GRIN2A: variants seen among roughly 807,000 people sequenced by gnomAD.
The protein encoded by GRIN2A is glutamate ionotropic receptor NMDA type subunit 2A.
In GRIN2A, 22 loss-of-function variants were observed where a neutral mutation model predicts 113.4. That is an observed-to-expected ratio of 0.19 (90% confidence interval 0.14 to 0.28). The LOEUF (loss-of-function observed/expected upper bound fraction) is 0.28. GRIN2A is among the 10% of genes least tolerant of loss of function. GRIN2A has a pLI of 1.00. For synonymous variants in GRIN2A, 827 were observed against 738.4 expected, an observed-to-expected ratio of 1.12 and a Z score of -1.94; for missense variants, 1,502 against 1,887.0, an observed-to-expected ratio of 0.80 and a Z score of 3.78.
intron 11 of GRIN2A, among the ~76,000 whole-genome samples, chr16:9,789,060 T>A (rs1048092757): frequency 6.6e-6 from 1 of 152,210 alleles, no homozygotes; most frequent in Non-Finnish European, 1.5e-5. Flanking sequence ...CCTTCTTATC[T>A]GTCTCCAGAC....
chr16:10,118,146 G>A (rs1386819868), intron 2 of GRIN2A, among the ~76,000 whole-genome samples: 2 of 152,194 alleles, frequency 1.3e-5, no homozygotes, highest in Non-Finnish European at 2.9e-5. Flanking sequence ...GCCAAAGACT[G>A]AGTCTGACAG....
chr16:9,855,391 T>A (rs969693580), intron 4 of GRIN2A, among the ~76,000 whole-genome samples: 2 of 152,236 alleles, frequency 1.3e-5, no homozygotes, highest in Admixed American at 6.5e-5. Context: ...GGAACTATTA[T>A]CATTAATTCA....
chr16:10,029,424 G>A (rs1243289670), intron 2 of GRIN2A, among the ~76,000 whole-genome samples: 1 of 152,074 alleles, frequency 6.6e-6, no homozygotes, highest in African/African-American at 2.4e-5. Context: ...AAACCCCTTA[G>A]GTCAGGTGAT....
chr16:9,778,911 G>A (rs991299904), intron 11 of GRIN2A, among the ~76,000 whole-genome samples: 6 of 152,180 alleles, frequency 3.9e-5, no homozygotes, highest in Admixed American at 1.3e-4. Flanking sequence ...TCAGATGAAA[G>A]GTGCAAATTC....
chr16:10,100,678 A>C (rs768605920), intron 2 of GRIN2A, among the ~76,000 whole-genome samples: 29 of 152,190 alleles, frequency 1.9e-4, no homozygotes, highest in Non-Finnish European at 2.8e-4. Context: ...TGTTCACTCC[A>C]TCTGTGCAGC....
At chr16:9,943,248 C>T (rs1043491745) in intron 2 of GRIN2A, 2 of 152,208 alleles carry the variant, frequency 1.3e-5, no homozygotes, top group South Asian at 2.1e-4. Context: ...ATTTCATACA[C>T]CCACTTTGGT....
chr16:10,106,846 G>A (rs1302291709), intron 2 of GRIN2A, among the ~76,000 whole-genome samples: 2 of 152,170 alleles, frequency 1.3e-5, no homozygotes, highest in African/African-American at 4.8e-5. Context: ...AAGGAAGGCA[G>A]GGAAGCTGGG....
chr16:10,060,579 C>G (rs918837343), intron 2 of GRIN2A, among the ~76,000 whole-genome samples: 5 of 152,206 alleles, frequency 3.3e-5, no homozygotes, highest in Admixed American at 3.3e-4. Flanking sequence ...ATGCTAAAAA[C>G]TGTTCCTAGT....
At chr16:10,113,545 G>C (rs1186174720) in intron 2 of GRIN2A, among the ~76,000 whole-genome samples, 15 of 152,088 alleles carry the variant, frequency 9.9e-5, no homozygotes, top group South Asian at 2.1e-4. Flanking sequence ...GCACATTTTG[G>C]GATCACAGTT....
chr16:9,801,926 G>A (rs916363074), intron 10 of GRIN2A, among the ~76,000 whole-genome samples: 2 of 152,196 alleles, frequency 1.3e-5, no homozygotes, highest in Non-Finnish European at 2.9e-5. Context: ...GAGAGCTGGG[G>A]CCTACACACA....
chr16:10,173,658 G>C (rs2050087769), intron 2 of GRIN2A, among the ~76,000 whole-genome samples: 1 of 152,182 alleles, frequency 6.6e-6, no homozygotes, highest in Non-Finnish European at 1.5e-5. Context: ...GGACAAGTGT[G>C]AGGTACTGAA....
chr16:10,001,585 T>C (rs1368911722), intron 2 of GRIN2A, among the ~76,000 whole-genome samples: 2 of 152,330 alleles, frequency 1.3e-5, no homozygotes, highest in African/African-American at 2.4e-5. Flanking sequence ...AGTGCTTCCA[T>C]GCATGCTCTT....
intron 2 of GRIN2A, among the ~76,000 whole-genome samples, chr16:10,029,765 G>A (rs2046894142): frequency 3.3e-5 from 5 of 152,046 alleles, no homozygotes; most frequent in Admixed American, 3.3e-4. Context: ...GAGGCCGAAG[G>A]GGGTGTAGAT....
chr16:9,960,999 ATTG>A (rs1356427527), intron 2 of GRIN2A, among the ~76,000 whole-genome samples: 1 of 152,146 alleles, frequency 6.6e-6, no homozygotes, highest in East Asian at 1.9e-4. Flanking sequence ...CGAGTTTGTT[ATTG>A]TTGTTGTCAT....
chr16:9,996,577 AC>A (rs1350057128), intron 2 of GRIN2A, among the ~76,000 whole-genome samples: 1 of 152,196 alleles, frequency 6.6e-6, no homozygotes, highest in Admixed American at 6.5e-5. Context: ...TGGTGGGCAC[AC>A]CTGTAAGTAA....
At chr16:10,149,432 G>A (rs2049519690) in intron 2 of GRIN2A, among the ~76,000 whole-genome samples, 1 of 152,218 alleles carries the variant, frequency 6.6e-6, no homozygotes, top group South Asian at 2.1e-4. Context: ...CAACCTGGGT[G>A]AAGCATATAC....
chr16:10,144,664 A>T (rs1253836777), intron 2 of GRIN2A, among the ~76,000 whole-genome samples: 3 of 152,290 alleles, frequency 2.0e-5, no homozygotes, highest in African/African-American at 7.2e-5. Flanking sequence ...GTTTCATTGC[A>T]GCATTATTCA....
intron 2 of GRIN2A, among the ~76,000 whole-genome samples, chr16:9,964,319 A>C (rs1388412872): frequency 6.6e-6 from 1 of 152,218 alleles, no homozygotes; most frequent in Admixed American, 6.5e-5. Context: ...GGGACCTTGC[A>C]CAATTACTCA....
At chr16:9,990,563 GCACA>G (rs71157799) in intron 2 of GRIN2A, among the ~76,000 whole-genome samples, 20,401 of 124,074 alleles carry the variant, frequency 0.16, 1,930 homozygotes, top group East Asian at 0.32. Context: ...GCGCGCGCGC[GCACA>G]CACACACACA....
Sources: gnomAD v4.1 joint callset for allele counts (sites outside exome capture counted in the v4.1 genomes callset) on GRCh38, gnomAD v4.1.1 for gene constraint, MANE v1.5 for transcripts, NCBI Gene and HGNC (gene_info 2026-07-23, HGNC 2026-07-21) for gene names.